Variants in ZFAT observed in about 807,000 individuals in gnomAD.
The protein encoded by ZFAT is zinc finger protein ZFAT.
In ZFAT, 64 loss-of-function variants were observed where a neutral mutation model predicts 117.7. The ratio of observed to expected loss-of-function variants is 0.54; its 90% CI spans 0.44 to 0.67. The LOEUF is 0.67. Among genes scored for constraint, ZFAT ranks in the 30% least tolerant of loss-of-function variants. ZFAT has a pLI of 0.00. For synonymous variants in ZFAT, 679 were observed against 615.0 expected (o/e 1.10, Z -1.54); for missense variants, 1,433 against 1,584.5 (o/e 0.90, Z 1.62).
At chr8:134,774,631 A>G in the ZFAT span, among the ~76,000 whole-genome samples, 11 of 152,218 alleles carry the variant, frequency 7.2e-5, no homozygotes, top group Non-Finnish European at 1.5e-4. Context: ...AGTATATTGT[A>G]AATTTAACTT....
At chr8:134,750,524 TA>T in the ZFAT span, among the ~76,000 whole-genome samples, 23 of 152,286 alleles carry the variant, frequency 1.5e-4, 1 homozygote, top group Middle Eastern at 0.017. Flanking sequence ...CAAATTGAAA[TA>T]TTTTTTTTAA....
At chr8:134,611,132 G>A (rs1828303284) in intron 3 of ZFAT, among the ~76,000 whole-genome samples, 1 of 152,194 alleles carries the variant, frequency 6.6e-6, no homozygotes, top group South Asian at 2.1e-4. Context: ...CAGGGGGAGA[G>A]GCAGACATGC....
Position 134,478,704 on chromosome 8 carries a change from G to T in ZFAT, c.3510C>A (p.Pro1170=). 6.4e-7 allele frequency: 1 copy of T among 1,570,684 alleles called. No homozygotes were observed. ...GGATCATGACCGTGTGGTTGGAGCTGGGCTCCTCCTCGGTGACCTGCGGGA... is the reference window on the plus strand; with the variant it reads ...GGATCATGACCGTGTGGTTGGAGCTTGGCTCCTCCTCGGTGACCTGCGGGA... ...TVVKQVTEEE[P]SSNHTVMIQE... Residue 1170 remains proline, a synonymous_variant, in exon 16 of 16, where the codon CCC becomes CCA. Transcript: ENST00000377838. The surrounding 1 kb of genome is among the most constrained non-coding windows in gnomAD (Gnocchi z 5.2).
intron 3 of ZFAT, among the ~76,000 whole-genome samples, chr8:134,636,608 A>C (rs1830225469): frequency 6.6e-6 from 1 of 152,212 alleles, no homozygotes; most frequent in Non-Finnish European, 1.5e-5. Context: ...ACTGCTTCCC[A>C]CATAACATGG....
At chr8:134,492,830 G>A (rs1006252734) in intron 15 of ZFAT, among the ~76,000 whole-genome samples, 3 of 152,130 alleles carry the variant, frequency 2.0e-5, no homozygotes, top group Non-Finnish European at 2.9e-5. Flanking sequence ...ACCTGCACAG[G>A]ACAAAAAGAA....
Position 134,613,406 on chromosome 8 carries a change from C to T in ZFAT, c.449-2751G>A, listed in dbSNP as rs1282795570. ...GGCATTGTATGTTAGGAACACACTG[C>T]AGAACCGGGGGGCTGGACGTGGGTG... On this transcript the variant is annotated intron_variant, in intron 3 of 15. Transcript: ENST00000377838. Among the ~76,000 whole-genome samples the T allele has an allele frequency of 5.9e-5, 9 of 152,356 alleles. No individual in the cohort carries two copies. In the East Asian group the frequency reaches 1.2e-3, roughly 20 times the overall value.
At chr8:134,482,257 G>T (rs1265400610) in intron 15 of ZFAT, among the ~76,000 whole-genome samples, 1 of 152,166 alleles carries the variant, frequency 6.6e-6, no homozygotes, top group Admixed American at 6.5e-5. Flanking sequence ...CTGCAAGTGG[G>T]AGGCGTTTAG....
At chr8:134,607,969 T>A (rs578016485) in intron 5 of ZFAT, among the ~76,000 whole-genome samples, 1 of 152,206 alleles carries the variant, frequency 6.6e-6, no homozygotes, top group Non-Finnish European at 1.5e-5. Context: ...ACTCTAGCAA[T>A]GGATTCCACA....
At chr8:134,584,026 A>T (rs1388320953) in intron 9 of ZFAT, 21 bp from the exon 10 acceptor site, 1 of 1,547,458 alleles carries the variant, frequency 6.5e-7, no homozygotes, top group Non-Finnish European at 8.7e-7. Context: ...AAAAATGTAT[A>T]TATCTCTATA....
intron 1 of ZFAT, 35 bp downstream of exon 1, chr8:134,712,810 C>CCCCCCGGGG: frequency 2.9e-6 from 3 of 1,024,528 alleles, no homozygotes; most frequent in Non-Finnish European, 4.2e-6. Context: ...GCCCCACCCC[C>CCCCCCGGGG]ACCCCGTCTC....
chr8:134,641,441 C>G (rs1268645214), intron 2 of ZFAT, among the ~76,000 whole-genome samples: 14 of 152,210 alleles, frequency 9.2e-5, no homozygotes, highest in Non-Finnish European at 2.1e-4. Context: ...CCTAACATGT[C>G]CGGTCCAGTT....
chr8:134,570,531 G>C (rs1824813924), intron 10 of ZFAT, among the ~76,000 whole-genome samples: 1 of 152,150 alleles, frequency 6.6e-6, no homozygotes, highest in Admixed American at 6.5e-5. Context: ...ATTCACCTTT[G>C]GTTGGTCCAT....
At chr8:134,709,601 A>T (rs1433529559) in intron 1 of ZFAT, among the ~76,000 whole-genome samples, 2 of 152,230 alleles carry the variant, frequency 1.3e-5, no homozygotes, top group African/African-American at 4.8e-5. Context: ...TTACGTAATT[A>T]AATCAGCCCA....
intron 10 of ZFAT, among the ~76,000 whole-genome samples, chr8:134,580,757 T>C (rs1825659295): frequency 6.6e-6 from 1 of 152,198 alleles, no homozygotes; most frequent in African/African-American, 2.4e-5. Flanking sequence ...ATAAATATAC[T>C]GAGTCAATGA....
chr8:134,500,577 G>GT (rs1818901470), intron 15 of ZFAT, among the ~76,000 whole-genome samples: 1 of 152,218 alleles, frequency 6.6e-6, no homozygotes, highest in Non-Finnish European at 1.5e-5. Flanking sequence ...CTACTATGGT[G>GT]TAAGAGAGCT....
chr8:134,616,903 T>C (rs1056092459), intron 3 of ZFAT, among the ~76,000 whole-genome samples: 1 of 152,062 alleles, frequency 6.6e-6, no homozygotes, highest in Non-Finnish European at 1.5e-5. Flanking sequence ...AAAAATAAAA[T>C]ATAAATAAGG....
chr8:134,807,716 A>G, the ZFAT span, among the ~76,000 whole-genome samples: 2 of 142,974 alleles, frequency 1.4e-5, no homozygotes, highest in South Asian at 2.2e-4. Flanking sequence ...AATTACATGG[A>G]AAAAAAAAAA....
rs77112009 is a variant in ZFAT at position 134,518,548 on chromosome 8, T to G, written c.3234+2335A>C. 7.0e-3 allele frequency among the ~76,000 whole-genome samples: 1,062 copies of G among 152,290 alleles called. 13 individuals carry two copies. Among genetic ancestry groups the G allele is most frequent in the African/African-American group, 0.025 (1,019 of 41,566 alleles). ...GTGAGGCTGATCATGTTTTCAGATA[T>G]TCGATGTTATTTACATTTTCTTTTC... On this transcript the variant is annotated intron_variant, in intron 13 of 15. Transcript: ENST00000377838.
intron 3 of ZFAT, among the ~76,000 whole-genome samples, chr8:134,624,080 T>A (rs992795486): frequency 6.6e-6 from 1 of 151,612 alleles, no homozygotes; most frequent in Non-Finnish European, 1.5e-5. Flanking sequence ...ACACAAAGAG[T>A]AGGCGCTCGG....
Sources: allele counts gnomAD v4.1 joint callset (sites outside exome capture counted in the v4.1 genomes callset), GRCh38; gene constraint gnomAD v4.1.1; non-coding constraint Gnocchi (gnomAD v3.1); transcripts MANE v1.5; gene names NCBI Gene and HGNC (gene_info 2026-07-23, HGNC 2026-07-21).